The following MLST8 variants were observed in gnomAD, a reference collection of about 807,000 sequenced individuals.
MLST8 encodes the protein target of rapamycin complex subunit LST8.
A neutral mutation model predicts 41.3 loss-of-function variants in MLST8; 20 were observed. That is an observed-to-expected ratio of 0.48 (90% CI 0.34 to 0.70). The LOEUF is 0.70. MLST8 is among the 30% of genes least tolerant of loss of function. MLST8 has a pLI of 0.01. For missense variants in MLST8, 422 were observed against 454.3 expected (o/e 0.93, Z 0.65); for synonymous variants, 243 against 183.0 (o/e 1.33, Z -2.65).
rs192860278 is a variant in MLST8 at position 2,209,451 on chromosome 16, G to T, written c.*574G>T. 166 of 1,613,620 alleles carry T rather than the reference G, an allele frequency of 1.0e-4. 1 individual carries two copies. In the East Asian group the frequency reaches 3.4e-3, roughly 33 times the overall value. On this transcript the variant is annotated 3_prime_UTR_variant, in exon 9 of 9. Transcript: ENST00000569417. ...CAGAGATAAATCAGCCGCTGTCTCC[G>T]GGGCCCTGTGGCGAGGGTGCCGTGA...
At position 2,207,866 on chromosome 16, in the gene MLST8, TG is replaced by T. The variant is rs749470996; in HGVS notation, c.574-343del. On this transcript the variant is annotated intron_variant, in intron 6 of 8. Transcript: ENST00000569417. ...CTTCATTTAATCCCAGTGCATCACT[TG>T]TACCTCTTGCCCCCGGATTTCCCTT... The T allele has an allele frequency of 4.0e-4, 106 of 266,476 alleles. 2 individuals carry two copies. Among genetic ancestry groups the T allele is most frequent in the South Asian group, 1.5e-3 (21 of 13,598 alleles). The allele number at this position is 266,476 out of a possible 1,614,324, so 16.5% of individuals were successfully genotyped here.
intron 1 of MLST8, 188 bp downstream of exon 1, chr16:2,205,700 A>G: frequency 4.0e-6 from 4 of 994,696 alleles, no homozygotes; most frequent in Non-Finnish European, 4.8e-6. Flanking sequence ...GCGCAGCCGC[A>G]GCGCTCGGCT....
rs1192082162 is a variant in MLST8, at chr16:2,207,213, C to T, written c.441C>T (p.Asp147=). Residue 147 remains aspartate (D), a synonymous_variant, in exon 6 of 9, where the codon GAC becomes GAT. Coordinates refer to ENST00000569417, the MANE Select transcript of MLST8 (RefSeq NM_022372.6). ...CCCAGGCAGAGCTCATCGTGGGTGA[C>T]CAGAGCGGGGCTATCCACATCTGGG... ...HPNQAELIVG[D]QSGAIHIWDL... 3.1e-6 allele frequency: 5 copies of T among 1,613,958 alleles called. No homozygotes were observed. The highest frequency in any genetic ancestry group is 3.3e-5 in the Admixed American group (2 of 60,004).
rs2093350779 is a variant in MLST8 at position 2,208,783 on chromosome 16, TCTGGTGTGTGGAGA to T, written c.892_905del (p.Cys298ArgfsTer20). 6.2e-7 allele frequency: 1 copy of T among 1,613,808 alleles called. No individual in the cohort carries two copies. Among genetic ancestry groups the T allele is most frequent in the Non-Finnish European group, 8.5e-7 (1 of 1,179,922 alleles). On this transcript the variant is annotated frameshift_variant, in exon 9 of 9. Coordinates refer to ENST00000569417, the MANE Select transcript of MLST8 (RefSeq NM_022372.6). LOFTEE classifies it high-confidence loss of function. ...GCTTCCTCGGACAACCTGGCCCGGC[TCTGGTGTGTGGAGA>T]CTGGAGAGATCAAGAGAGAGTATGG...
At chr16:2,207,535 G>A (rs1247048966) in intron 6 of MLST8, 190 bp downstream of exon 6, 10 of 656,510 alleles carry the variant, frequency 1.5e-5, no homozygotes. Context: ...CTGTCTGCAG[G>A]TCGGTCACTC....
In MLST8 at chr16:2,209,132, G is replaced by T. The variant is rs148570204; in HGVS notation, c.*255G>T. 7.1e-4 allele frequency: 456 copies of T among 639,676 alleles called. 3 individuals are homozygous for T. In the African/African-American group the frequency reaches 7.6e-3, roughly 11 times the overall value. The allele number at this position is 639,676 out of a possible 1,614,324, so 39.6% of individuals were successfully genotyped here. On this transcript the variant is annotated 3_prime_UTR_variant, in exon 9 of 9. Transcript: ENST00000569417. ...CTAGCCTGCACTGCCTGGGAAAGTC[G>T]GCCGAGGGCCCAAAGCTGCTGAGGG...
rs1338437111 is a variant in MLST8 at position 2,206,066 on chromosome 16, G to T, written c.-20G>T. ...CTTTGACCCCTGCCGTTCAGCTCTA[G>T]GGCCCGTGCAGGCCACACCATGAAC... On this transcript the variant is annotated 5_prime_UTR_variant, in exon 2 of 9. In the 5' UTR this introduces an upstream ATG that the reference lacks. Coordinates refer to ENST00000569417, the MANE Select transcript of MLST8 (RefSeq NM_022372.6). 2 of 1,573,718 alleles carry T rather than the reference G, an allele frequency of 1.3e-6. No individual in the cohort carries two copies. Among genetic ancestry groups the T allele is most frequent in the Non-Finnish European group, 1.7e-6 (2 of 1,156,444 alleles).
chr16:2,206,762 C>T (rs768235009), intron 4 of MLST8, 103 bp downstream of exon 4: 27 of 1,356,676 alleles, frequency 2.0e-5, no homozygotes, highest in Non-Finnish European at 2.4e-5. Context: ...CAGGGAGCTT[C>T]CTGTGGGCGA....
Position 2,206,325 on chromosome 16 carries a change from C to A in MLST8, c.130-33C>A. 5.6e-6 allele frequency: 9 copies of A among 1,612,244 alleles called. No individual in the cohort carries two copies. The Middle Eastern group carries it at 5.0e-4, about 89-fold the overall frequency. ...GGCCTGGGGGGCCCTGGCCTCAGGG[C>A]TACCTTCCCGTCATCCTCCTTAACA... On this transcript the variant is annotated intron_variant, in intron 2 of 8. Coordinates refer to ENST00000569417, the MANE Select transcript of MLST8 (RefSeq NM_022372.6).
At position 2,209,115 on chromosome 16, in the gene MLST8, C is replaced by G. The variant is rs2093355481; in HGVS notation, c.*238C>G. 1.6e-6 allele frequency: 1 copy of G among 639,876 alleles called. No individual in the cohort carries two copies. The highest frequency in any genetic ancestry group is 2.7e-6 in the Non-Finnish European group (1 of 371,748). 39.6% of individuals were successfully genotyped at this position (639,876 alleles called of 1,614,324 possible). A position where few individuals can be genotyped will look rare whatever the true frequency, so the allele number is the denominator to read the frequency against. ...CACACTCCTGGACTGGGCTAGCCTGCACTGCCTGGGAAAGTCGGCCGAGGG... is the reference window on the plus strand; with the variant it reads ...CACACTCCTGGACTGGGCTAGCCTGGACTGCCTGGGAAAGTCGGCCGAGGG... On this transcript the variant is annotated 3_prime_UTR_variant, in exon 9 of 9. Coordinates refer to ENST00000569417, the MANE Select transcript of MLST8 (RefSeq NM_022372.6).
At chr16:2,207,526 TGTCTGCAG>T in intron 6 of MLST8, 181 bp downstream of exon 6, 1 of 696,654 alleles carries the variant, frequency 1.4e-6, no homozygotes, top group East Asian at 2.8e-5. Context: ...GGCTTAGTCC[TGTCTGCAG>T]GTCGGTCACT....
Position 2,208,820 on chromosome 16 carries a change from T to C in MLST8, c.924T>C (p.Tyr308=). The change falls in exon 9 of 9, where the codon TAT becomes TAC. Residue 308 remains tyrosine (Y), a synonymous_variant. Transcript: ENST00000569417. ...CVETGEIKRE[Y]GGHQKAVVCL... ...AGACTGGAGAGATCAAGAGAGAGTA[T>C]GGCGGCCACCAGAAGGCTGTTGTCT... 6.2e-7 allele frequency: 1 copy of C among 1,613,870 alleles called. No homozygotes were observed. The highest frequency in any genetic ancestry group is 8.5e-7 in the Non-Finnish European group (1 of 1,179,926).
At chr16:2,207,937 C>T (rs2093328127) in intron 6 of MLST8, 2 of 376,742 alleles carry the variant, frequency 5.3e-6, no homozygotes, top group Non-Finnish European at 4.8e-6. Flanking sequence ...TGCCCTTCTC[C>T]TGTCTACTTC....
At position 2,206,570 on chromosome 16, in the gene MLST8, C is replaced by T; in HGVS notation, c.255C>T (p.Asn85=). 1 of 1,614,090 alleles carries T rather than the reference C, an allele frequency of 6.2e-7. No homozygotes were observed. Among genetic ancestry groups the T allele is most frequent in the Non-Finnish European group, 8.5e-7 (1 of 1,180,002 alleles). Residue 85 remains asparagine (N), a synonymous_variant, in exon 4 of 9, where the codon AAC becomes AAT. Transcript: ENST00000569417. ...CCATCATCAGCTACGACGGCGTCAA[C>T]AAGAACATCGCGTCTGTGGGCTTCC... is the stretch of plus-strand genomic sequence containing the variant. The part of the protein sequence containing the change: ...PNPIISYDGV[N]KNIASVGFHE...
intron 6 of MLST8, chr16:2,207,657 C>T (rs181267576): frequency 2.2e-5 from 9 of 417,460 alleles, no homozygotes; most frequent in Admixed American, 1.6e-4. Context: ...CTGAGGCTTC[C>T]TTTCCCCCTC....
At position 2,208,955 on chromosome 16, in the gene MLST8, C is replaced by A; in HGVS notation, c.*78C>A. On this transcript the variant is annotated 3_prime_UTR_variant, in exon 9 of 9. Coordinates refer to ENST00000569417, the MANE Select transcript of MLST8 (RefSeq NM_022372.6). ...ATGCAGCACCCAGGTCAGAGCAGAC[C>A]CTCCCCTGCCGGCCTGCGCCAGCTG... 1.3e-6 allele frequency: 2 copies of A among 1,498,374 alleles called. No homozygotes were observed. The highest frequency in any genetic ancestry group is 1.8e-6 in the Non-Finnish European group (2 of 1,089,202). The allele number at this position is 1,498,374 out of a possible 1,614,324, so 92.8% of individuals were successfully genotyped here. A position where few individuals can be genotyped will look rare whatever the true frequency, so the allele number is the denominator to read the frequency against.
intron 4 of MLST8, 37 bp from the exon 5 acceptor site, chr16:2,206,998 C>T (rs2093303941): frequency 6.2e-7 from 1 of 1,609,922 alleles, no homozygotes; most frequent in Non-Finnish European, 8.5e-7. Context: ...CACCAACAAG[C>T]CCAGATGGAC....
In MLST8 at chr16:2,207,363, G is replaced by A. The variant is rs778117237; in HGVS notation, c.573+18G>A. 3.1e-6 allele frequency: 5 copies of A among 1,611,474 alleles called. No homozygotes were observed. The South Asian group carries it at 3.3e-5, about 11-fold the overall frequency. ...ATAGCACCGTGAGTCCTGGTGGCAG[G>A]TGCTGGGTGCGGGCAGCTTGGCACT... On this transcript the variant is annotated intron_variant, in intron 6 of 8. Transcript: ENST00000569417.
intron 6 of MLST8, chr16:2,207,603 C>T: frequency 1.9e-6 from 1 of 527,582 alleles, no homozygotes; most frequent in Non-Finnish European, 3.4e-6. Flanking sequence ...CTGTTGCCTC[C>T]TGGTCCCAGT....
Sources: gnomAD v4.1 joint callset for allele counts on GRCh38, gnomAD v4.1.1 for gene constraint, MANE v1.5 for transcripts, NCBI Gene and HGNC (gene_info 2026-07-23, HGNC 2026-07-21) for gene names.